Variants in LMO7 observed in about 807,000 individuals in gnomAD.
LMO7 encodes LIM domain 7.
In LMO7, 120 loss-of-function variants were observed where a neutral mutation model predicts 206.5. The observed-to-expected ratio is 0.58, with a 90% confidence interval of 0.50 to 0.68. The LOEUF is 0.68. Among genes scored for constraint, LMO7 ranks in the 30% least tolerant of loss-of-function variants. The pLI is 0.00. For missense variants in LMO7, 1,959 were observed against 1,957.9 expected (o/e 1.00, Z -0.01); for synonymous variants, 706 against 681.5 (o/e 1.04, Z -0.56).
intron 1 of LMO7, among the ~76,000 whole-genome samples, chr13:75,640,190 GC>G (rs2036396246): frequency 3.8e-3 from 1 of 262 alleles, no homozygotes; most frequent in African/African-American, 0.015. Flanking sequence ...CATAAGAATT[GC>G]TTTGTAATAC....
upstream of LMO7, among the ~76,000 whole-genome samples, chr13:75,633,086 A>C (rs957781543): frequency 2.4e-4 from 36 of 152,000 alleles, no homozygotes; most frequent in African/African-American, 8.0e-4. Context: ...GCTGGTCTTG[A>C]ACTCCTGGCT....
At chr13:75,642,745 G>A (rs2139029461) in intron 1 of LMO7, among the ~76,000 whole-genome samples, 1 of 152,280 alleles carries the variant, frequency 6.6e-6, no homozygotes, top group Middle Eastern at 3.4e-3. Flanking sequence ...GAATGAGCAG[G>A]GGTTGAGGGC....
At chr13:75,774,248 A>G (rs1354379135) in intron 4 of LMO7, among the ~76,000 whole-genome samples, 1 of 152,126 alleles carries the variant, frequency 6.6e-6, no homozygotes, top group Non-Finnish European at 1.5e-5. Flanking sequence ...CTCTAGCCAC[A>G]GTATAGTTCA....
In LMO7 at chr13:75,823,776, C is replaced by T; in HGVS notation, c.2852C>T (p.Thr951Ile). Residue 951 changes from threonine to isoleucine, a missense_variant, in exon 15 of 31, where the codon ACT (threonine) becomes ATT (isoleucine). By Grantham distance (89) the Thr-to-Ile change is moderately conservative. Coordinates refer to ENST00000377534, the MANE Select transcript of LMO7 (RefSeq NM_001306080.2). ...TCTCTTTCCCAAGACCAGGCTGCCACTTCTAAAGCCACATTGTCTTCCACA... is the reference window on the plus strand; with the variant it reads ...TCTCTTTCCCAAGACCAGGCTGCCATTTCTAAAGCCACATTGTCTTCCACA... ...FSSLSQDQAA[T>I]SKATLSSTSG... 2 of 1,614,122 alleles carry T rather than the reference C, an allele frequency of 1.2e-6. No homozygotes were observed. Among genetic ancestry groups the T allele is most frequent in the Non-Finnish European group, 1.7e-6 (2 of 1,179,974 alleles).
intron 13 of LMO7, 114 bp from the exon 14 acceptor site, chr13:75,821,063 T>C (rs2057532596): frequency 1.4e-6 from 1 of 720,510 alleles, no homozygotes; most frequent in African/African-American, 1.8e-5. Context: ...TTGATTCTTG[T>C]GTGAAGTTAG....
intron 4 of LMO7, among the ~76,000 whole-genome samples, chr13:75,792,025 T>C (rs898185798): frequency 1.3e-5 from 2 of 152,060 alleles, no homozygotes; most frequent in African/African-American, 4.8e-5. Context: ...TGGAGTGCAG[T>C]GGTGTGGTCA....
intron 1 of LMO7, among the ~76,000 whole-genome samples, chr13:75,670,959 T>C (rs1217212255): frequency 7.1e-6 from 1 of 141,246 alleles, no homozygotes; most frequent in Non-Finnish European, 1.6e-5. Context: ...TTTTTTAATG[T>C]TTAAAACTTT....
chr13:75,763,049 T>G (rs562997820), intron 4 of LMO7, among the ~76,000 whole-genome samples: 156 of 152,312 alleles, frequency 1.0e-3, no homozygotes, highest in Admixed American at 2.1e-3. Context: ...AAATATATAA[T>G]GTGGAGACTC....
chr13:75,828,600 G>A (rs2058351291), intron 15 of LMO7, among the ~76,000 whole-genome samples: 1 of 152,162 alleles, frequency 6.6e-6, no homozygotes, highest in Non-Finnish European at 1.5e-5. Context: ...TGTAGAGTTT[G>A]AAATCTTCCA....
intron 3 of LMO7, among the ~76,000 whole-genome samples, chr13:75,735,685 C>CG (rs1475666923): frequency 1.3e-5 from 2 of 151,112 alleles, no homozygotes; most frequent in African/African-American, 4.9e-5. Context: ...CACGTTGGCC[C>CG]GGGTAGTCTT....
intron 2 of LMO7, among the ~76,000 whole-genome samples, chr13:75,716,069 T>G (rs1204683806): frequency 6.6e-6 from 1 of 152,186 alleles, no homozygotes; most frequent in Non-Finnish European, 1.5e-5. Flanking sequence ...TCTTGTGAAA[T>G]ACAGGTTCTG....
chr13:75,754,573 G>T (rs188632280), intron 3 of LMO7, among the ~76,000 whole-genome samples: 482 of 152,252 alleles, frequency 3.2e-3, no homozygotes, highest in Non-Finnish European at 5.2e-3. Flanking sequence ...GTGGGAATGT[G>T]GGATGAGGAG....
chr13:75,734,968 T>G (rs1483585142), intron 3 of LMO7, among the ~76,000 whole-genome samples: 1 of 152,028 alleles, frequency 6.6e-6, no homozygotes, highest in Non-Finnish European at 1.5e-5. Flanking sequence ...TATGGCTCTG[T>G]GTGCCTGTAG....
At chr13:75,778,726 G>A (rs2050873938) in intron 4 of LMO7, among the ~76,000 whole-genome samples, 1 of 152,330 alleles carries the variant, frequency 6.6e-6, no homozygotes. Flanking sequence ...TGTTTCAACT[G>A]AACTTTTTTT....
At chr13:75,843,009 C>A in intron 25 of LMO7, 93 bp downstream of exon 25, 1 of 825,340 alleles carries the variant, frequency 1.2e-6, no homozygotes. Flanking sequence ...ACTACTTTAG[C>A]CCTTTGTCAT....
At chr13:75,665,733 G>A (rs2039020863) in intron 1 of LMO7, among the ~76,000 whole-genome samples, 1 of 152,102 alleles carries the variant, frequency 6.6e-6, no homozygotes, top group Admixed American at 6.5e-5. Context: ...CACCATGTTG[G>A]CCAGGCCAGT....
Position 75,821,889 on chromosome 13 carries a change from T to C in LMO7, c.2640+280T>C, listed in dbSNP as rs74705725. 1.4e-3 allele frequency among the ~76,000 whole-genome samples: 215 copies of C among 152,320 alleles called. 3 individuals are homozygous for C. In the East Asian group the frequency reaches 0.039, roughly 27 times the overall value. On this transcript the variant is annotated intron_variant, in intron 14 of 30. Transcript: ENST00000377534. ...GCAGAGTATTATTTTATAATGTCTT[T>C]TTTTTAGATGTACCTTTTGTAAAGT...
chr13:75,693,497 A>G lies in LMO7; in HGVS notation c.70-19685A>G, dbSNP rs186737391. ...GATAATTATTTCATGTGGCACTGGG[A>G]GCCCTCCTCCCTACCGTCACTGAAT... On this transcript the variant is annotated intron_variant, in intron 1 of 30. Coordinates refer to ENST00000377534, the MANE Select transcript of LMO7 (RefSeq NM_001306080.2). Among the ~76,000 whole-genome samples the G allele has an allele frequency of 2.3e-3, 348 of 152,150 alleles. 2 individuals carry two copies. The highest frequency in any genetic ancestry group is 9.7e-3 in the Admixed American group (149 of 15,286).
rs145642799 is a variant in LMO7 at position 75,727,057 on chromosome 13, A to G, written c.169A>G (p.Ile57Val). Residue 57 changes from isoleucine to valine, a missense_variant, in exon 3 of 31, where the codon ATT becomes GTT. By Grantham distance (29) the Ile-to-Val change is conservative (BLOSUM62 3). Coordinates refer to ENST00000377534, the MANE Select transcript of LMO7 (RefSeq NM_001306080.2). ...DLINKLKPGV[I>V]KKINRLSTPI... ...GATTAATAAGCTTAAACCTGGCGTCATTAAGAAGATCAATAGACTGTCTAC... is the reference window on the plus strand; with the variant it reads ...GATTAATAAGCTTAAACCTGGCGTCGTTAAGAAGATCAATAGACTGTCTAC... The G allele has an allele frequency of 5.4e-4, 854 of 1,590,054 alleles. 10 individuals carry two copies. In the South Asian group the frequency reaches 6.8e-3, roughly 13 times the overall value.
Sources: allele counts gnomAD v4.1 joint callset (sites outside exome capture counted in the v4.1 genomes callset), GRCh38; gene constraint gnomAD v4.1.1; transcripts MANE v1.5; gene names NCBI Gene and HGNC (gene_info 2026-07-23, HGNC 2026-07-21).